The following ANKRD16 variants were observed in gnomAD, a reference collection of about 807,000 sequenced individuals.
The protein encoded by ANKRD16 is ankyrin repeat domain-containing protein 16.
A neutral mutation model predicts 37.9 loss-of-function variants in ANKRD16; 35 were observed. That is an observed-to-expected ratio of 0.92 (90% confidence interval 0.71 to 1.23). ANKRD16 has a LOEUF of 1.23. ANKRD16 is among the 50% of genes most tolerant of loss of function. The pLI, the probability that ANKRD16 is intolerant of heterozygous loss-of-function variation, is 0.00. For synonymous variants in ANKRD16, 206 were observed against 197.2 expected (o/e 1.04, Z -0.37); for missense variants, 480 against 469.9 (o/e 1.02, Z -0.20).
Position 5,883,953 on chromosome 10 carries a change from A to T in ANKRD16, c.687+16T>A, listed in dbSNP as rs2131776823. The T allele has an allele frequency of 6.2e-7, 1 of 1,607,172 alleles. No individual in the cohort carries two copies. The highest frequency in any genetic ancestry group is 1.3e-5 in the African/African-American group (1 of 74,858). On this transcript the variant is annotated intron_variant, in intron 4 of 7. Coordinates refer to ENST00000380094, the MANE Select transcript of ANKRD16 (RefSeq NM_019046.3). ...TAGGAAGAACCAAAAGAATAAAAAC[A>T]CAACCATTTTTATACCCCATGTTCA...
chr10:5,889,058 G>A lies in ANKRD16; in HGVS notation c.297C>T (p.Cys99=). Reference sequence around the variant, plus strand: ...ACACCTACCAGTCGGCCTTCTTCAGGCAGTCGACCGCTGCCCCCCGGCCCA... The same window carrying A: ...ACACCTACCAGTCGGCCTTCTTCAGACAGTCGACCGCTGCCCCCCGGCCCA... ...YLLGRGAAVD[C]LKKADWTPLM... is the part of the protein sequence containing the mutation. Residue 99 remains cysteine, a synonymous_variant, in exon 1 of 8, where the codon TGC becomes TGT. Coordinates refer to ENST00000380094, the MANE Select transcript of ANKRD16 (RefSeq NM_019046.3). The A allele has an allele frequency of 3.2e-6, 5 of 1,551,966 alleles. No homozygotes were observed. The highest frequency in any genetic ancestry group is 4.3e-6 in the Non-Finnish European group (5 of 1,155,334).
intron 7 of ANKRD16, among the ~76,000 whole-genome samples, chr10:5,875,230 C>T (rs1418093315): frequency 6.6e-6 from 1 of 151,754 alleles, no homozygotes; most frequent in Non-Finnish European, 1.5e-5. Context: ...GTGCAAGAGT[C>T]AGAGGACAAA....
intron 1 of ANKRD16, among the ~76,000 whole-genome samples, chr10:5,888,601 G>A (rs780902253): frequency 5.9e-5 from 9 of 152,234 alleles, no homozygotes; most frequent in Non-Finnish European, 1.2e-4. Flanking sequence ...CAACTGCACT[G>A]TGCTCTACAC....
rs924082357 is a variant in ANKRD16, at chr10:5,863,501, G to C, written c.*34-810C>G. ...GGATTGTAAACATACCAATCAGCAC[G>C]CTGTAAAGTGGACCAATCAGCACTC... is the stretch of plus-strand genomic sequence containing the variant. On this transcript the variant is annotated intron_variant, in intron 7 of 7. Coordinates refer to ENST00000380094, the MANE Select transcript of ANKRD16 (RefSeq NM_019046.3). This position sits in a 1 kb window ranked among gnomAD's most constrained non-coding sequence, Gnocchi z 4.7. Among the ~76,000 whole-genome samples, 19 of 151,978 alleles carry C rather than the reference G, an allele frequency of 1.3e-4. No individual in the cohort carries two copies. Among genetic ancestry groups the C allele is most frequent in the Non-Finnish European group, 7.4e-5 (5 of 68,010 alleles).
chr10:5,872,534 C>T (rs1222333234), intron 7 of ANKRD16, among the ~76,000 whole-genome samples: 1 of 152,042 alleles, frequency 6.6e-6, no homozygotes, highest in Non-Finnish European at 1.5e-5. Context: ...ATCAGCTCAA[C>T]CGTATGCATT....
At chr10:5,873,613 A>G (rs993296436) in intron 7 of ANKRD16, among the ~76,000 whole-genome samples, 4 of 152,194 alleles carry the variant, frequency 2.6e-5, no homozygotes, top group Non-Finnish European at 5.9e-5. Context: ...GGAGATTAAA[A>G]GGGACATTTT....
Position 5,863,897 on chromosome 10 carries a change from T to C in ANKRD16, c.*34-1206A>G, listed in dbSNP as rs1443028381. Among the ~76,000 whole-genome samples the C allele has an allele frequency of 6.6e-6, 1 of 152,078 alleles. No homozygotes were observed. Among genetic ancestry groups the C allele is most frequent in the African/African-American group, 2.4e-5 (1 of 41,372 alleles). On this transcript the variant is annotated intron_variant, in intron 7 of 7. Transcript: ENST00000380094. This position sits in a 1 kb window ranked among gnomAD's most constrained non-coding sequence, Gnocchi z 4.7. ...CCAGAAGGAATAAAGTCCGGATACA[T>C]TTTGGCGACCCAGATGGGAAACACT...
At chr10:5,884,936 TTTC>T (rs1387093192) in intron 3 of ANKRD16, among the ~76,000 whole-genome samples, 4 of 152,166 alleles carry the variant, frequency 2.6e-5, no homozygotes. Flanking sequence ...TTTCAGCTAA[TTTC>T]TTTTTCTCCT....
chr10:5,867,949 G>A (rs1271417972), intron 7 of ANKRD16, among the ~76,000 whole-genome samples: 1 of 152,332 alleles, frequency 6.6e-6, no homozygotes, highest in Non-Finnish European at 1.5e-5. Context: ...TAGGGGAAGA[G>A]TGTTGCTTTT....
At chr10:5,887,572 C>T (rs1196240989) in intron 2 of ANKRD16, among the ~76,000 whole-genome samples, 6 of 152,098 alleles carry the variant, frequency 3.9e-5, no homozygotes, top group Non-Finnish European at 5.9e-5. Context: ...TTAGTAGAGA[C>T]GGCGTTTCAC....
Position 5,862,199 on chromosome 10 carries a change from G to A in ANKRD16, c.*526C>T, listed in dbSNP as rs936405670. On this transcript the variant is annotated 3_prime_UTR_variant, in exon 8 of 8. Transcript: ENST00000380094. The surrounding 1 kb of genome is among the most constrained non-coding windows in gnomAD (Gnocchi z 6.5). ...ATTACAGGCATGAGCCACCGCAACC[G>A]GCCCCCAGGAATTCTTTAATGGTTC... is the stretch of plus-strand genomic sequence containing the variant. 3.1e-5 allele frequency: 8 copies of A among 254,660 alleles called. No homozygotes were observed. Among genetic ancestry groups the A allele is most frequent in the Non-Finnish European group, 6.3e-5 (8 of 126,940 alleles). 15.8% of individuals were successfully genotyped at this position (254,660 alleles called of 1,614,324 possible). A position where few individuals can be genotyped will look rare whatever the true frequency, so the allele number is the denominator to read the frequency against.
chr10:5,866,786 GAGAA>G lies in ANKRD16; in HGVS notation c.*34-4099_*34-4096del, dbSNP rs1243364323. On this transcript the variant is annotated intron_variant, in intron 7 of 7. Transcript: ENST00000380094. This position sits in a 1 kb window ranked among gnomAD's most constrained non-coding sequence, Gnocchi z 4.3. ...GGAAGGAGAGAAAGAGACAGACAGAGAGAAAGAGAGGAAGAGACAGAGACAAAGG... is the reference window on the plus strand; with the variant it reads ...GGAAGGAGAGAAAGAGACAGACAGAGAGAGAGGAAGAGACAGAGACAAAGG... 6.7e-6 allele frequency among the ~76,000 whole-genome samples: 1 copy of G among 149,080 alleles called. No homozygotes were observed. The highest frequency in any genetic ancestry group is 1.5e-5 in the Non-Finnish European group (1 of 67,216).
chr10:5,878,993 T>A lies in ANKRD16; in HGVS notation c.929-706A>T, dbSNP rs1395367199. Among the ~76,000 whole-genome samples the A allele has an allele frequency of 6.6e-6, 1 of 152,148 alleles. No individual in the cohort carries two copies. Among genetic ancestry groups the A allele is most frequent in the African/African-American group, 2.4e-5 (1 of 41,428 alleles). On this transcript the variant is annotated intron_variant, in intron 6 of 7. Coordinates refer to ENST00000380094, the MANE Select transcript of ANKRD16 (RefSeq NM_019046.3). The surrounding 1 kb of genome is among the most constrained non-coding windows in gnomAD (Gnocchi z 5.1). ...AATCACGTAGCCAAAAAAACACTTT[T>A]GAACAAGCTTCCCACTCTGGGTGCA...
At chr10:5,885,241 C>G (rs923217566) in intron 3 of ANKRD16, among the ~76,000 whole-genome samples, 1 of 151,976 alleles carries the variant, frequency 6.6e-6, no homozygotes, top group Non-Finnish European at 1.5e-5. Context: ...ACTGCAGTGG[C>G]GCGATCTCGG....
chr10:5,884,485 C>G (rs1392951421), intron 3 of ANKRD16, among the ~76,000 whole-genome samples: 1 of 152,170 alleles, frequency 6.6e-6, no homozygotes, highest in Non-Finnish European at 1.5e-5. Context: ...AATCCCAGCA[C>G]TTTGGGAGGC....
intron 1 of ANKRD16, 97 bp from the exon 2 acceptor site, chr10:5,888,164 G>T: frequency 8.7e-7 from 1 of 1,152,938 alleles, no homozygotes. Context: ...GGCACAGATG[G>T]AAAACCTAGA....
rs551338294 is a variant in ANKRD16, at chr10:5,866,049, C to A, written c.*34-3358G>T. Among the ~76,000 whole-genome samples the A allele has an allele frequency of 2.7e-4, 41 of 152,196 alleles. No homozygotes were observed. Among genetic ancestry groups the A allele is most frequent in the Admixed American group, 1.1e-3 (17 of 15,286 alleles). On this transcript the variant is annotated intron_variant, in intron 7 of 7. Transcript: ENST00000380094. The surrounding 1 kb of genome is among the most constrained non-coding windows in gnomAD (Gnocchi z 4.3). ...TGGCCGTCTCAGTGTTAGAGGCTATCAAAATAATACAAGGAAAGGATCTCA... is the reference window on the plus strand; with the variant it reads ...TGGCCGTCTCAGTGTTAGAGGCTATAAAAATAATACAAGGAAAGGATCTCA...
chr10:5,886,568 G>GT (rs1263766936), intron 2 of ANKRD16, among the ~76,000 whole-genome samples: 1 of 150,296 alleles, frequency 6.7e-6, no homozygotes, highest in Non-Finnish European at 1.5e-5. Flanking sequence ...TCCAGCCTGG[G>GT]TGACAGAGCA....
At position 5,889,077 on chromosome 10, in the gene ANKRD16, C is replaced by CG; in HGVS notation, c.277dup (p.Arg93ProfsTer79). 1 of 1,564,690 alleles carries CG rather than the reference C, an allele frequency of 6.4e-7. No homozygotes were observed. Among genetic ancestry groups the CG allele is most frequent in the Non-Finnish European group, 8.6e-7 (1 of 1,161,820 alleles). ...CTTCAGGCAGTCGACCGCTGCCCCC[C>CG]GGCCCAGCAGGTAGCGCACGCAGTC... On this transcript the variant is annotated frameshift_variant, in exon 1 of 8. Coordinates refer to ENST00000380094, the MANE Select transcript of ANKRD16 (RefSeq NM_019046.3). LOFTEE classifies it high-confidence loss of function.
Sources: allele counts gnomAD v4.1 joint callset (sites outside exome capture counted in the v4.1 genomes callset), GRCh38; gene constraint gnomAD v4.1.1; non-coding constraint Gnocchi (gnomAD v3.1); transcripts MANE v1.5; gene names NCBI Gene and HGNC (gene_info 2026-07-23, HGNC 2026-07-21).